The following CFAP77 variants were observed in gnomAD, a reference collection of about 807,000 sequenced individuals.
CFAP77 encodes the protein cilia- and flagella-associated protein 77.
In CFAP77, 25 loss-of-function variants were observed where a neutral mutation model predicts 31.1. The observed-to-expected ratio is 0.80, with a 90% CI of 0.59 to 1.12. The LOEUF is 1.12. Ranked by LOEUF, CFAP77 falls within the 50% of genes most tolerant of loss-of-function variation. CFAP77 has a pLI of 0.00. For missense variants in CFAP77, 377 were observed against 397.3 expected (o/e 0.95, Z 0.44); for synonymous variants, 151 against 159.9 (o/e 0.94, Z 0.42).
In CFAP77 at chr9:132,572,380, A is replaced by G. The variant is rs1243243556; in HGVS notation, c.733-8A>G. 1 of 1,612,662 alleles carries G rather than the reference A, an allele frequency of 6.2e-7. No homozygotes were observed. The highest frequency in any genetic ancestry group is 1.3e-5 in the African/African-American group (1 of 74,898). Reference sequence around the variant, plus strand: ...CCTCACCCACCCACTCTTCCCTTCTATCCACAGGTGGGCCGCCACCTTGAT... The same window carrying G: ...CCTCACCCACCCACTCTTCCCTTCTGTCCACAGGTGGGCCGCCACCTTGAT... On this transcript the variant is annotated splice_polypyrimidine_tract_variant and splice_region_variant and intron_variant, in intron 5 of 5. Coordinates refer to ENST00000393216, the MANE Select transcript of CFAP77 (RefSeq NM_001282957.2).
chr9:132,474,755 TG>T (rs1470908194), intron 1 of CFAP77, among the ~76,000 whole-genome samples: 1 of 152,102 alleles, frequency 6.6e-6, no homozygotes, highest in Non-Finnish European at 1.5e-5. Context: ...GCAGGTTGTT[TG>T]GGGGGTATCA....
chr9:132,548,965 C>T (rs1439907889), intron 5 of CFAP77, among the ~76,000 whole-genome samples: 3 of 152,186 alleles, frequency 2.0e-5, no homozygotes, highest in African/African-American at 7.2e-5. Context: ...TGCTTCGGGT[C>T]TCCTGGGCCC....
intron 1 of CFAP77, among the ~76,000 whole-genome samples, chr9:132,412,617 CTTTT>C (rs796226670): frequency 2.8e-4 from 41 of 148,962 alleles, no homozygotes; most frequent in African/African-American, 7.7e-4. Context: ...TTGTTTTGTG[CTTTT>C]TTTTTTTTGT....
intron 1 of CFAP77, among the ~76,000 whole-genome samples, chr9:132,432,743 T>C (rs1355823153): frequency 1.3e-5 from 2 of 151,826 alleles, no homozygotes; most frequent in Non-Finnish European, 1.5e-5. Context: ...AGACAGAGTC[T>C]CACTCTGTCG....
rs1109294 is a variant in CFAP77 at position 132,480,860 on chromosome 9, C to T, written c.196-17835C>T. 3.9e-5 allele frequency among the ~76,000 whole-genome samples: 6 copies of T among 151,988 alleles called. No individual in the cohort carries two copies. The highest frequency in any genetic ancestry group is 1.9e-4 in the East Asian group (1 of 5,150). ...CCCAGGGCAGAAAGCGGACGGTGAG[C>T]GAGAGGGCATAAGATGAGGCCAAGG... On this transcript the variant is annotated intron_variant, in intron 1 of 5. Transcript: ENST00000393216. This position sits in a 1 kb window ranked among gnomAD's most constrained non-coding sequence, Gnocchi z 5.8.
intron 1 of CFAP77, among the ~76,000 whole-genome samples, chr9:132,420,333 C>T (rs994757586): frequency 2.6e-5 from 4 of 151,680 alleles, no homozygotes; most frequent in Admixed American, 1.3e-4. Flanking sequence ...GAAGGGGACA[C>T]CTAGAGCAAA....
chr9:132,418,705 T>C (rs907871424), intron 1 of CFAP77, among the ~76,000 whole-genome samples: 1 of 152,202 alleles, frequency 6.6e-6, no homozygotes, highest in Non-Finnish European at 1.5e-5. Context: ...TAGCAATCCA[T>C]ACAGTGTGGC....
intron 5 of CFAP77, among the ~76,000 whole-genome samples, chr9:132,547,748 C>T (rs1044602153): frequency 6.6e-6 from 1 of 152,210 alleles, no homozygotes; most frequent in Non-Finnish European, 1.5e-5. Context: ...AGACACCAAC[C>T]TTGCTTGAAG....
At chr9:132,452,782 G>A (rs977550489) in intron 1 of CFAP77, among the ~76,000 whole-genome samples, 14 of 152,230 alleles carry the variant, frequency 9.2e-5, no homozygotes, top group African/African-American at 3.1e-4. Context: ...GGGGTGCTCT[G>A]TCCCAGAAGG....
At chr9:132,451,790 TTTTTTC>T (rs1268785688) in intron 1 of CFAP77, among the ~76,000 whole-genome samples, 2 of 151,120 alleles carry the variant, frequency 1.3e-5, no homozygotes, top group Non-Finnish European at 2.9e-5. Context: ...GGAGATTTTC[TTTTTTC>T]TTTTTCTTTT....
chr9:132,474,249 C>A (rs1412300016), intron 1 of CFAP77, among the ~76,000 whole-genome samples: 1 of 152,176 alleles, frequency 6.6e-6, no homozygotes, highest in African/African-American at 2.4e-5. Flanking sequence ...GTGCCTTGCT[C>A]TGGAAGAGTG....
chr9:132,472,046 C>G (rs1851268459), intron 1 of CFAP77, among the ~76,000 whole-genome samples: 1 of 152,206 alleles, frequency 6.6e-6, no homozygotes, highest in African/African-American at 2.4e-5. Context: ...ATCTGGCAGA[C>G]TAGCTGGCAG....
chr9:132,536,520 A>G (rs557912101), intron 3 of CFAP77, among the ~76,000 whole-genome samples: 30 of 148,994 alleles, frequency 2.0e-4, no homozygotes, highest in African/African-American at 7.0e-4. Flanking sequence ...CAGCCTCCCT[A>G]CTAGTTGGGA....
intron 1 of CFAP77, among the ~76,000 whole-genome samples, chr9:132,473,535 A>G (rs1469948803): frequency 6.6e-6 from 1 of 152,166 alleles, no homozygotes. Flanking sequence ...CTGTATACTC[A>G]TCAGGATACC....
chr9:132,549,162 C>A (rs746668805), intron 5 of CFAP77, among the ~76,000 whole-genome samples: 3 of 152,168 alleles, frequency 2.0e-5, no homozygotes. Context: ...GCTACACCCC[C>A]CAAGCGGGCT....
Position 132,517,372 on chromosome 9 carries a change from A to C in CFAP77, c.524+17772A>C, listed in dbSNP as rs1852166394. On this transcript the variant is annotated intron_variant, in intron 3 of 5. Transcript: ENST00000393216. The surrounding 1 kb of genome is among the most constrained non-coding windows in gnomAD (Gnocchi z 4.7). ...CTGGAAGAAGCATCAAGAGCCAAAT[A>C]AGGACCCGTCTTGAGTGGAATCACG... Among the ~76,000 whole-genome samples the C allele has an allele frequency of 6.6e-6, 1 of 152,202 alleles. No individual in the cohort carries two copies. The highest frequency in any genetic ancestry group is 2.1e-4 in the South Asian group (1 of 4,826).
chr9:132,468,554 C>A (rs1266389267), intron 1 of CFAP77, among the ~76,000 whole-genome samples: 1 of 152,162 alleles, frequency 6.6e-6, no homozygotes, highest in Non-Finnish European at 1.5e-5. Flanking sequence ...TCAAATGTCC[C>A]TCCCTCCAGG....
At position 132,545,040 on chromosome 9, in the gene CFAP77, T is replaced by C. The variant is rs1852710891; in HGVS notation, c.732+1993T>C. Among the ~76,000 whole-genome samples, 1 of 152,204 alleles carries C rather than the reference T, an allele frequency of 6.6e-6. No individual in the cohort carries two copies. Among genetic ancestry groups the C allele is most frequent in the Non-Finnish European group, 1.5e-5 (1 of 68,034 alleles). ...GGGCTCCAGGTAACAGTGCCGCACC[T>C]GTGCTGGGAGCTCCGGTCTGTCTCA... On this transcript the variant is annotated intron_variant, in intron 5 of 5. Transcript: ENST00000393216. This position sits in a 1 kb window ranked among gnomAD's most constrained non-coding sequence, Gnocchi z 4.6.
At chr9:132,412,210 A>G (rs73552780) in intron 1 of CFAP77, among the ~76,000 whole-genome samples, 3,524 of 152,206 alleles carry the variant, frequency 0.023, 153 homozygotes, top group East Asian at 0.17. Flanking sequence ...TCTTCAGGGC[A>G]CGAGATGCAG....
Sources: allele counts gnomAD v4.1 joint callset (sites outside exome capture counted in the v4.1 genomes callset), GRCh38; gene constraint gnomAD v4.1.1; non-coding constraint Gnocchi (gnomAD v3.1); transcripts MANE v1.5; gene names NCBI Gene and HGNC (gene_info 2026-07-23, HGNC 2026-07-21).